Variants in NELL2 observed in about 807,000 individuals in gnomAD.
NELL2 encodes the protein neural EGFL like 2, also known as protein kinase C-binding protein NELL2.
NELL2 carries 41 observed loss-of-function variants against 109.6 expected under a neutral mutation model. The ratio of observed to expected loss-of-function variants is 0.37; its 90% CI spans 0.29 to 0.49. The LOEUF is 0.49. Among genes scored for constraint, NELL2 ranks in the 20% least tolerant of loss-of-function variants. The pLI is 0.98. For missense variants in NELL2, 900 were observed against 1,008.3 expected (o/e 0.89, Z 1.45); for synonymous variants, 355 against 344.7 (o/e 1.03, Z -0.33).
At chr12:44,678,385 T>C (rs893091304) in intron 12 of NELL2, among the ~76,000 whole-genome samples, 1 of 152,024 alleles carries the variant, frequency 6.6e-6, no homozygotes, top group Non-Finnish European at 1.5e-5. Flanking sequence ...TTGCAAAATT[T>C]AGCAAGCATA....
intron 3 of NELL2, among the ~76,000 whole-genome samples, chr12:44,792,711 G>A (rs1942479957): frequency 6.6e-6 from 1 of 152,058 alleles, no homozygotes; most frequent in African/African-American, 2.4e-5. Context: ...CAAAAATTAA[G>A]CAGATTAATA....
chr12:44,646,274 T>C (rs1432654560), intron 13 of NELL2, among the ~76,000 whole-genome samples: 1 of 152,152 alleles, frequency 6.6e-6, no homozygotes, highest in East Asian at 1.9e-4. Context: ...TTAAGCAACT[T>C]CCAAAAGGTC....
chr12:44,699,037 G>A (rs954642259), intron 12 of NELL2, among the ~76,000 whole-genome samples: 2 of 152,124 alleles, frequency 1.3e-5, no homozygotes. Flanking sequence ...TGTGAGGATA[G>A]AAGATATAGT....
At chr12:44,879,637 A>G (rs753845406), upstream of NELL2, among the ~76,000 whole-genome samples, 2 of 152,058 alleles carry the variant, frequency 1.3e-5, no homozygotes, top group Non-Finnish European at 2.9e-5. Context: ...CTAAGAAAAT[A>G]GAGTGGGATT....
At chr12:44,829,117 C>A (rs1943806493) in intron 2 of NELL2, among the ~76,000 whole-genome samples, 1 of 152,134 alleles carries the variant, frequency 6.6e-6, no homozygotes, top group Non-Finnish European at 1.5e-5. Flanking sequence ...TTCTCTTTAT[C>A]ATCTCTTCCT....
intron 15 of NELL2, among the ~76,000 whole-genome samples, chr12:44,550,713 G>A (rs1943013540): frequency 6.6e-6 from 1 of 152,058 alleles, no homozygotes; most frequent in Admixed American, 6.6e-5. Context: ...TGTTATTTGT[G>A]ACAACACGGA....
intron 13 of NELL2, among the ~76,000 whole-genome samples, chr12:44,625,683 C>T (rs117799753): frequency 0.016 from 2,471 of 152,196 alleles, 32 homozygotes; most frequent in Middle Eastern, 0.044. Context: ...TTGCTGAATA[C>T]TTGCAACAGA....
chr12:44,570,928 A>G (rs1265252299), intron 15 of NELL2, among the ~76,000 whole-genome samples: 1 of 152,198 alleles, frequency 6.6e-6, no homozygotes, highest in Non-Finnish European at 1.5e-5. Flanking sequence ...CTTGCCTTGT[A>G]AAGACAGCTA....
chr12:44,540,686 T>C (rs951816587), intron 15 of NELL2, among the ~76,000 whole-genome samples: 4 of 147,244 alleles, frequency 2.7e-5, no homozygotes, highest in African/African-American at 1.0e-4. Flanking sequence ...GAATTTGCTA[T>C]TGTTTGAATC....
Position 44,508,935 on chromosome 12 carries a change from C to T in NELL2, c.2450G>A (p.Ter817=). The T allele has an allele frequency of 6.2e-7, 1 of 1,611,470 alleles. No individual in the cohort carries two copies. The highest frequency in any genetic ancestry group is 1.1e-5 in the South Asian group (1 of 90,754). ...SVDPQCLQEL[*] ...AAATCTCCCATGAGACAGTTAACTT[C>T]ACAGTTCCTGAAGGCACTGTGGATC... Residue 817 remains the stop codon, a stop_retained_variant, in exon 20 of 20, where the codon TGA becomes TAA. Coordinates refer to ENST00000429094, the MANE Select transcript of NELL2 (RefSeq NM_001145108.2).
At chr12:44,642,972 A>G (rs1002099045) in intron 13 of NELL2, among the ~76,000 whole-genome samples, 1 of 152,238 alleles carries the variant, frequency 6.6e-6, no homozygotes, top group Non-Finnish European at 1.5e-5. Flanking sequence ...ACGAAGATAC[A>G]TACCCTTCCA....
intron 16 of NELL2, among the ~76,000 whole-genome samples, chr12:44,531,804 G>C (rs912177615): frequency 6.6e-6 from 1 of 152,152 alleles, no homozygotes; most frequent in African/African-American, 2.4e-5. Context: ...AGAAAACAAT[G>C]AGTTCTCAAG....
At chr12:44,777,221 T>C (rs1211885359) in intron 6 of NELL2, 21 bp downstream of exon 6, 2 of 1,611,790 alleles carry the variant, frequency 1.2e-6, no homozygotes, top group African/African-American at 1.3e-5. Flanking sequence ...GACTCCACAG[T>C]GCAAGAACTA....
chr12:44,602,893 G>A (rs1945269337), intron 15 of NELL2, among the ~76,000 whole-genome samples: 2 of 151,956 alleles, frequency 1.3e-5, no homozygotes, highest in Non-Finnish European at 2.9e-5. Flanking sequence ...AATAATAAAT[G>A]CTAACTTTGG....
upstream of NELL2, among the ~76,000 whole-genome samples, chr12:44,918,512 C>CAT: frequency 2.6e-5 from 3 of 113,384 alleles, no homozygotes; most frequent in East Asian, 9.5e-4. Context: ...TTCATGCATG[C>CAT]ATGTATGTGT....
At chr12:44,610,417 G>C (rs17094881) in intron 14 of NELL2, among the ~76,000 whole-genome samples, 12,862 of 152,034 alleles carry the variant, frequency 0.085, 606 homozygotes, top group Non-Finnish European at 0.1. Context: ...GGATGAAAAG[G>C]AAGGTTCAAC....
At chr12:44,592,559 AGCC>A (rs1450401616) in intron 15 of NELL2, among the ~76,000 whole-genome samples, 1 of 152,152 alleles carries the variant, frequency 6.6e-6, no homozygotes, top group Admixed American at 6.6e-5. Context: ...TGAAATTGAG[AGCC>A]ACAAGGGAGG....
chr12:44,741,821 C>T (rs1939987651), intron 9 of NELL2, among the ~76,000 whole-genome samples: 1 of 152,232 alleles, frequency 6.6e-6, no homozygotes, highest in South Asian at 2.1e-4. Context: ...GAAGCTGGAA[C>T]TGGGTGGAGC....
chr12:44,865,128 G>A lies in NELL2; in HGVS notation c.184+10097C>T, dbSNP rs1405851083. 4.8e-5 allele frequency among the ~76,000 whole-genome samples: 6 copies of A among 124,778 alleles called. No homozygotes were observed. In the East Asian group the frequency reaches 1.1e-3, roughly 23 times the overall value. The allele number at this position is 124,778 out of a possible 152,430, so 81.9% of individuals were successfully genotyped here. ...CATTTCTCTGATGGCCAGTGATGATGAGCATTTTTTCATGTGTTTTTTGGC... is the reference window on the plus strand; with the variant it reads ...CATTTCTCTGATGGCCAGTGATGATAAGCATTTTTTCATGTGTTTTTTGGC... On this transcript the variant is annotated intron_variant, in intron 2 of 19. Transcript: ENST00000429094.
Sources: gnomAD v4.1 joint callset for allele counts (sites outside exome capture counted in the v4.1 genomes callset) on GRCh38, gnomAD v4.1.1 for gene constraint, MANE v1.5 for transcripts, NCBI Gene and HGNC (gene_info 2026-07-23, HGNC 2026-07-21) for gene names.